The following TACR3 variants were observed in gnomAD, a reference collection of about 807,000 sequenced individuals.
TACR3 encodes neuromedin-K receptor.
A neutral mutation model predicts 35.0 loss-of-function variants in TACR3; 34 were observed. That is an observed-to-expected ratio of 0.97 (90% CI 0.74 to 1.30). The LOEUF (loss-of-function observed/expected upper bound fraction) is 1.30, where lower values mean the gene tolerates loss of function less well. Among genes scored for constraint, TACR3 ranks in the 50% most tolerant of loss-of-function variants. The pLI, the probability that TACR3 is intolerant of heterozygous loss-of-function variation, is 0.00. For synonymous variants in TACR3, 233 were observed against 221.1 expected (o/e 1.05, Z -0.48); for missense variants, 558 against 591.7 (o/e 0.94, Z 0.59).
intron 1 of TACR3, 113 bp downstream of exon 1, chr4:103,719,015 C>T (rs558904130): frequency 1.4e-6 from 2 of 1,452,152 alleles, no homozygotes; most frequent in South Asian, 1.2e-5. Context: ...AATTCTTAGT[C>T]TCTTTACTTT....
At chr4:103,701,783 A>G (rs1384943076) in intron 1 of TACR3, among the ~76,000 whole-genome samples, 2 of 152,226 alleles carry the variant, frequency 1.3e-5, no homozygotes, top group African/African-American at 4.8e-5. Context: ...AAACCTGACA[A>G]AAACAAGAAA....
chr4:103,673,520 T>C (rs1473686973), intron 1 of TACR3, among the ~76,000 whole-genome samples: 5 of 152,094 alleles, frequency 3.3e-5, no homozygotes, highest in Non-Finnish European at 7.4e-5. Flanking sequence ...CTTTCTTACA[T>C]GGGCATGGTT....
chr4:103,622,303 G>A (rs941873802), intron 3 of TACR3, among the ~76,000 whole-genome samples: 2 of 152,214 alleles, frequency 1.3e-5, no homozygotes, highest in East Asian at 3.8e-4. Context: ...ACATTTTGAA[G>A]AGAGAACATG....
chr4:103,616,173 T>C (rs1296090935), intron 3 of TACR3, among the ~76,000 whole-genome samples: 1 of 152,102 alleles, frequency 6.6e-6, no homozygotes, highest in East Asian at 1.9e-4. Flanking sequence ...TAATACAAGT[T>C]TGTGGGTTAC....
In TACR3 at chr4:103,690,912, T is replaced by C. The variant is rs559821594; in HGVS notation, c.548+28216A>G. On this transcript the variant is annotated intron_variant, in intron 1 of 4. Transcript: ENST00000304883. Reference sequence around the variant, plus strand: ...TTTTATAATGTCAACTAAAAAATTATGTCACACGCAATAGGTAGATACAAT... The same window carrying C: ...TTTTATAATGTCAACTAAAAAATTACGTCACACGCAATAGGTAGATACAAT... 9.1e-4 allele frequency among the ~76,000 whole-genome samples: 138 copies of C among 152,270 alleles called. 1 individual carries two copies. The South Asian group carries it at 0.023, about 26-fold the overall frequency.
chr4:103,688,758 G>A (rs558870798), intron 1 of TACR3, among the ~76,000 whole-genome samples: 1 of 152,130 alleles, frequency 6.6e-6, no homozygotes, highest in South Asian at 2.1e-4. Flanking sequence ...AACAGGTGCT[G>A]GAGAGGATGT....
intron 1 of TACR3, among the ~76,000 whole-genome samples, chr4:103,699,358 T>A (rs549694649): frequency 6.6e-6 from 1 of 152,096 alleles, no homozygotes; most frequent in Non-Finnish European, 1.5e-5. Flanking sequence ...CGGAGCACAG[T>A]GGGGAAGTGG....
Position 103,658,211 on chromosome 4 carries a change from T to G in TACR3, c.737+4A>C, listed in dbSNP as rs1326630623. 1 of 1,613,604 alleles carries G rather than the reference T, an allele frequency of 6.2e-7. No homozygotes were observed. The highest frequency in any genetic ancestry group is 1.1e-5 in the South Asian group (1 of 91,068). ...TTGAAAACCATAATAGAGAATTAAC[T>G]TACGTGAAATGTTGTTTGGGACCTT... On this transcript the variant is annotated splice_donor_region_variant and intron_variant, in intron 2 of 4. Transcript: ENST00000304883.
At chr4:103,682,921 C>A (rs905117453) in intron 1 of TACR3, among the ~76,000 whole-genome samples, 4 of 151,988 alleles carry the variant, frequency 2.6e-5, no homozygotes, top group African/African-American at 7.3e-5. Flanking sequence ...TAGAGCTAAC[C>A]GATAGTGAGA....
intron 3 of TACR3, among the ~76,000 whole-genome samples, chr4:103,639,635 A>G (rs1345129604): frequency 2.6e-5 from 4 of 151,988 alleles, no homozygotes; most frequent in African/African-American, 9.7e-5. Flanking sequence ...GACCACAAAA[A>G]AATGTAAAGA....
intron 3 of TACR3, among the ~76,000 whole-genome samples, chr4:103,628,675 A>T (rs1389125377): frequency 6.6e-6 from 1 of 152,184 alleles, no homozygotes; most frequent in Non-Finnish European, 1.5e-5. Context: ...CCAACCAAAA[A>T]AATCCAGGAC....
At chr4:103,601,685 C>A (rs996502893) in intron 3 of TACR3, among the ~76,000 whole-genome samples, 3 of 152,142 alleles carry the variant, frequency 2.0e-5, no homozygotes, top group Non-Finnish European at 4.4e-5. Flanking sequence ...GATGAAAATT[C>A]TTTTCTTTAA....
At chr4:103,687,228 G>A (rs147936428) in intron 1 of TACR3, among the ~76,000 whole-genome samples, 2,526 of 152,160 alleles carry the variant, frequency 0.017, 80 homozygotes, top group African/African-American at 0.057. Flanking sequence ...AATAAATTAC[G>A]TATTGATGGG....
intron 3 of TACR3, among the ~76,000 whole-genome samples, chr4:103,623,785 G>A (rs1724833907): frequency 6.6e-6 from 1 of 152,088 alleles, no homozygotes; most frequent in Non-Finnish European, 1.5e-5. Context: ...AGTCCTTCTT[G>A]CAAAAATTTC....
At position 103,700,209 on chromosome 4, in the gene TACR3, C is replaced by G. The variant is rs763037324; in HGVS notation, c.548+18919G>C. Among the ~76,000 whole-genome samples, 36 of 152,060 alleles carry G rather than the reference C, an allele frequency of 2.4e-4. 1 individual carries two copies. The highest frequency in any genetic ancestry group is 2.4e-5 in the African/African-American group (1 of 41,392). ...TACTTCTCCCATGACTTAAAGCTAT[C>G]AAAGTAGTATCATCGAATATTACTT... On this transcript the variant is annotated intron_variant, in intron 1 of 4. Coordinates refer to ENST00000304883, the MANE Select transcript of TACR3 (RefSeq NM_001059.3).
intron 3 of TACR3, among the ~76,000 whole-genome samples, chr4:103,651,974 G>GTCT (rs989985341): frequency 1.3e-5 from 2 of 152,050 alleles, no homozygotes; most frequent in Non-Finnish European, 2.9e-5. Context: ...ATGCAAAACA[G>GTCT]TCTTCTTTAC....
At chr4:103,629,868 AAAACAAAAAAAACAACAACAAC>A (rs1725013764) in intron 3 of TACR3, among the ~76,000 whole-genome samples, 2 of 109,710 alleles carry the variant, frequency 1.8e-5, no homozygotes, top group South Asian at 2.8e-4. Context: ...AAACAAAAAA[AAAACAAAAAAAACAACAACAAC>A]AACAAAAAAA....
intron 1 of TACR3, among the ~76,000 whole-genome samples, chr4:103,687,432 A>G (rs556204719): frequency 2.0e-5 from 3 of 152,286 alleles, no homozygotes; most frequent in African/African-American, 7.2e-5. Context: ...AAGGGTATTC[A>G]GTTAGGAAAA....
chr4:103,599,326 G>T (rs1361683056), intron 3 of TACR3, among the ~76,000 whole-genome samples: 1 of 152,176 alleles, frequency 6.6e-6, no homozygotes, highest in Non-Finnish European at 1.5e-5. Context: ...CTTTGCTGAA[G>T]TTGCTTATCA....
Sources: gnomAD v4.1 joint callset for allele counts (sites outside exome capture counted in the v4.1 genomes callset) on GRCh38, gnomAD v4.1.1 for gene constraint, MANE v1.5 for transcripts, NCBI Gene and HGNC (gene_info 2026-07-23, HGNC 2026-07-21) for gene names.